The following GABRG3 variants were observed in gnomAD, a reference collection of about 807,000 sequenced individuals.
GABRG3 encodes the protein gamma-aminobutyric acid type A receptor subunit gamma3.
A neutral mutation model predicts 48.8 loss-of-function variants in GABRG3; 25 were observed. That is an observed-to-expected ratio of 0.51 (90% CI 0.37 to 0.72). The LOEUF is 0.72. GABRG3 is among the 30% of genes least tolerant of loss of function. The pLI is 0.00. For synonymous variants in GABRG3, 227 were observed against 217.6 expected (o/e 1.04, Z -0.38); for missense variants, 394 against 577.9 (o/e 0.68, Z 3.26).
At chr15:27,478,783 A>G (rs1890023677) in intron 5 of GABRG3, among the ~76,000 whole-genome samples, 1 of 152,258 alleles carries the variant, frequency 6.6e-6, no homozygotes, top group African/African-American at 2.4e-5. Flanking sequence ...AAAATATGGT[A>G]TATCTGTACA....
At chr15:27,269,850 GTCTA>G (rs1206239090) in intron 3 of GABRG3, among the ~76,000 whole-genome samples, 2 of 152,118 alleles carry the variant, frequency 1.3e-5, no homozygotes, top group Admixed American at 6.5e-5. Flanking sequence ...ATCCATATCT[GTCTA>G]TCTATCTACA....
intron 3 of GABRG3, among the ~76,000 whole-genome samples, chr15:27,031,073 C>T (rs1896077396): frequency 6.6e-6 from 1 of 151,636 alleles, no homozygotes; most frequent in Admixed American, 6.6e-5. Flanking sequence ...GACACACACA[C>T]ACACACACAC....
At chr15:27,157,211 A>G (rs890520052) in intron 3 of GABRG3, among the ~76,000 whole-genome samples, 2 of 152,228 alleles carry the variant, frequency 1.3e-5, no homozygotes, top group African/African-American at 4.8e-5. Context: ...GGAAAAGAAA[A>G]AGACTGAATT....
intron 3 of GABRG3, among the ~76,000 whole-genome samples, chr15:27,216,733 CTTT>C (rs200517386): frequency 9.6e-6 from 1 of 103,896 alleles, no homozygotes; most frequent in Non-Finnish European, 2.0e-5. Context: ...CAATTCATTT[CTTT>C]TTTTTTTTTT....
intron 3 of GABRG3, among the ~76,000 whole-genome samples, chr15:27,320,075 A>G (rs1041501172): frequency 6.6e-6 from 1 of 152,146 alleles, no homozygotes; most frequent in African/African-American, 2.4e-5. Context: ...AGCCAGAGGC[A>G]AACTTACCAT....
At chr15:27,130,443 GT>G (rs1486280845) in intron 3 of GABRG3, among the ~76,000 whole-genome samples, 2 of 151,922 alleles carry the variant, frequency 1.3e-5, no homozygotes, top group Non-Finnish European at 2.9e-5. Context: ...TTTGATTACT[GT>G]AACTTTGTAG....
intron 3 of GABRG3, among the ~76,000 whole-genome samples, chr15:27,210,922 T>G (rs573929081): frequency 6.6e-6 from 1 of 152,320 alleles, no homozygotes; most frequent in East Asian, 1.9e-4. Context: ...TCCAAATTTC[T>G]TAGAAGATAC....
chr15:27,366,582 T>C (rs75516675), intron 5 of GABRG3, among the ~76,000 whole-genome samples: 474 of 152,208 alleles, frequency 3.1e-3, no homozygotes, highest in African/African-American at 0.011. Context: ...CCTGTTCTGC[T>C]GGCTAACATG....
intron 5 of GABRG3, among the ~76,000 whole-genome samples, chr15:27,351,448 GGT>G (rs1221099635): frequency 3.2e-4 from 46 of 145,356 alleles, no homozygotes; most frequent in Admixed American, 2.2e-3. Flanking sequence ...GTGTGTATAT[GGT>G]GTGTGTGTTT....
intron 5 of GABRG3, among the ~76,000 whole-genome samples, chr15:27,437,866 A>T (rs1477346894): frequency 6.6e-6 from 1 of 152,184 alleles, no homozygotes; most frequent in East Asian, 1.9e-4. Context: ...AGAGGGGTCC[A>T]TGTGTGCAGA....
chr15:27,149,532 A>G (rs1206806906), intron 3 of GABRG3, among the ~76,000 whole-genome samples: 1 of 152,222 alleles, frequency 6.6e-6, no homozygotes, highest in Non-Finnish European at 1.5e-5. Flanking sequence ...ATAGCAAAAA[A>G]CAATCTTGCA....
At chr15:27,202,095 A>G (rs559278818) in intron 3 of GABRG3, among the ~76,000 whole-genome samples, 3 of 152,248 alleles carry the variant, frequency 2.0e-5, no homozygotes, top group East Asian at 3.9e-4. Flanking sequence ...CTCTGCTTCT[A>G]TCTTCTAACT....
At chr15:26,984,847 A>G (rs1595455736) in intron 2 of GABRG3, among the ~76,000 whole-genome samples, 1 of 152,342 alleles carries the variant, frequency 6.6e-6, no homozygotes, top group South Asian at 2.1e-4. Context: ...TCATGCTGGG[A>G]AAAACAGAAG....
At chr15:27,515,086 T>G (rs1250438974) in intron 6 of GABRG3, among the ~76,000 whole-genome samples, 1 of 147,410 alleles carries the variant, frequency 6.8e-6, no homozygotes, top group Non-Finnish European at 1.5e-5. Context: ...GTTTCTTAAT[T>G]TTTTTGTTTT....
intron 5 of GABRG3, among the ~76,000 whole-genome samples, chr15:27,432,330 T>C (rs1472086838): frequency 6.6e-6 from 1 of 152,254 alleles, no homozygotes. Flanking sequence ...AACACGTTTA[T>C]GTAATTATTA....
At chr15:27,371,774 C>T (rs1471559702) in intron 5 of GABRG3, among the ~76,000 whole-genome samples, 1 of 151,318 alleles carries the variant, frequency 6.6e-6, no homozygotes, top group Non-Finnish European at 1.5e-5. Context: ...TTCATCATCT[C>T]ACATATATTA....
At chr15:27,356,663 AAT>A (rs1355517426) in intron 5 of GABRG3, among the ~76,000 whole-genome samples, 1 of 152,218 alleles carries the variant, frequency 6.6e-6, no homozygotes, top group East Asian at 1.9e-4. Context: ...GGTGCTCCTC[AAT>A]GTTTATCAAA....
Position 27,074,840 on chromosome 15 carries a change from G to A in GABRG3, c.270+48019G>A, listed in dbSNP as rs561186860. Among the ~76,000 whole-genome samples, 4 of 152,268 alleles carry A rather than the reference G, an allele frequency of 2.6e-5. No individual in the cohort carries two copies. The South Asian group carries it at 6.2e-4, about 24-fold the overall frequency. On this transcript the variant is annotated intron_variant, in intron 3 of 9. Transcript: ENST00000615808. ...AGGTGGAAAGCGAATCGAAGGAAGTGAAGCTGAAAAGAAATGTTGGGGTTG... is the reference window on the plus strand; with the variant it reads ...AGGTGGAAAGCGAATCGAAGGAAGTAAAGCTGAAAAGAAATGTTGGGGTTG...
intron 5 of GABRG3, among the ~76,000 whole-genome samples, chr15:27,354,261 A>G (rs548350876): frequency 7.9e-5 from 12 of 152,340 alleles, no homozygotes; most frequent in Admixed American, 1.3e-4. Context: ...CATTTGTGCA[A>G]TTATCACCAT....
Sources: allele counts gnomAD v4.1 joint callset (sites outside exome capture counted in the v4.1 genomes callset), GRCh38; gene constraint gnomAD v4.1.1; transcripts MANE v1.5; gene names NCBI Gene and HGNC (gene_info 2026-07-23, HGNC 2026-07-21).